Variants in AKAP6 observed in about 807,000 individuals in gnomAD.
The protein encoded by AKAP6 is A-kinase anchoring protein 6.
Under a neutral mutation model 188.5 loss-of-function variants are expected in AKAP6, and 58 were observed. The observed-to-expected ratio is 0.31, with a 90% CI of 0.25 to 0.38. AKAP6 has a LOEUF of 0.38. AKAP6 is among the 10% of genes least tolerant of loss of function. The pLI is 1.00. For missense variants in AKAP6, 2,710 were observed against 2,740.0 expected (o/e 0.99, Z 0.24); for synonymous variants, 989 against 998.6 (o/e 0.99, Z 0.18).
chr14:32,451,891 G>A (rs530399731), intron 2 of AKAP6, among the ~76,000 whole-genome samples: 180 of 151,652 alleles, frequency 1.2e-3, no homozygotes, highest in African/African-American at 4.0e-3. Context: ...GCTGATTGAT[G>A]TCTTAACCCT....
At chr14:32,772,702 T>C (rs1184519500) in intron 11 of AKAP6, among the ~76,000 whole-genome samples, 3 of 152,196 alleles carry the variant, frequency 2.0e-5, no homozygotes, top group Non-Finnish European at 4.4e-5. Flanking sequence ...ACAAATACTT[T>C]CAGGCATTAA....
chr14:32,356,432 T>C (rs1887488356), intron 1 of AKAP6, among the ~76,000 whole-genome samples: 1 of 152,190 alleles, frequency 6.6e-6, no homozygotes, highest in African/African-American at 2.4e-5. Context: ...CGTTTGCTTC[T>C]TATACCTCTT....
At chr14:32,529,557 C>A (rs550983497) in intron 2 of AKAP6, among the ~76,000 whole-genome samples, 1 of 152,232 alleles carries the variant, frequency 6.6e-6, no homozygotes, top group East Asian at 1.9e-4. Context: ...TCAGTCTTTG[C>A]GGGAAAACTT....
At chr14:32,498,137 C>T (rs932739856) in intron 2 of AKAP6, among the ~76,000 whole-genome samples, 6 of 152,090 alleles carry the variant, frequency 3.9e-5, no homozygotes, top group African/African-American at 1.4e-4. Context: ...CTTTTATAGT[C>T]CTTCCTCCTC....
chr14:32,470,566 A>G (rs17099172), intron 2 of AKAP6, among the ~76,000 whole-genome samples: 2,707 of 152,332 alleles, frequency 0.018, 73 homozygotes, highest in African/African-American at 0.06. Context: ...CTCTGGGGAA[A>G]GTAATCAGGG....
chr14:32,399,687 T>G (rs1005151031), intron 1 of AKAP6, among the ~76,000 whole-genome samples: 1 of 152,208 alleles, frequency 6.6e-6, no homozygotes, highest in African/African-American at 2.4e-5. Flanking sequence ...CATACATTTC[T>G]TGTTGAGGAT....
At chr14:32,523,880 GC>G (rs1390366925) in intron 2 of AKAP6, among the ~76,000 whole-genome samples, 1 of 151,678 alleles carries the variant, frequency 6.6e-6, no homozygotes, top group Admixed American at 6.6e-5. Context: ...GGATCCAGAT[GC>G]CAGTTTTTAG....
chr14:32,756,700 G>A (rs910720203), intron 11 of AKAP6, among the ~76,000 whole-genome samples: 5 of 152,190 alleles, frequency 3.3e-5, no homozygotes, highest in Non-Finnish European at 7.4e-5. Flanking sequence ...ACAGGGGCCA[G>A]CCTGATGCTG....
chr14:32,480,549 A>G (rs1260026682), intron 2 of AKAP6, among the ~76,000 whole-genome samples: 1 of 152,236 alleles, frequency 6.6e-6, no homozygotes, highest in Non-Finnish European at 1.5e-5. Context: ...TGACTCATGC[A>G]ACTATTCTGA....
intron 7 of AKAP6, among the ~76,000 whole-genome samples, chr14:32,633,136 C>T (rs537137274): frequency 6.6e-6 from 1 of 152,002 alleles, no homozygotes; most frequent in East Asian, 1.9e-4. Flanking sequence ...TTCATATCCA[C>T]CTCATCAATT....
intron 7 of AKAP6, among the ~76,000 whole-genome samples, chr14:32,608,312 A>C (rs747546415): frequency 1.3e-5 from 2 of 151,796 alleles, no homozygotes; most frequent in Non-Finnish European, 2.9e-5. Context: ...AAGCCTGGCC[A>C]ATATGGTGAA....
chr14:32,501,590 T>C (rs901789420), intron 2 of AKAP6, among the ~76,000 whole-genome samples: 1 of 151,876 alleles, frequency 6.6e-6, no homozygotes, highest in African/African-American at 2.4e-5. Context: ...GAAAAAAAAA[T>C]AGGTTTGGCG....
chr14:32,549,709 A>C (rs1375206615), intron 4 of AKAP6, among the ~76,000 whole-genome samples: 1 of 152,188 alleles, frequency 6.6e-6, no homozygotes, highest in Admixed American at 6.5e-5. Flanking sequence ...TAAGTCCCGG[A>C]AGGGAGGATT....
chr14:32,615,041 C>T (rs1594783926), intron 7 of AKAP6, among the ~76,000 whole-genome samples: 2 of 151,298 alleles, frequency 1.3e-5, no homozygotes, highest in East Asian at 2.0e-4. Context: ...TGGTGGTGCA[C>T]ACCTGTAGTC....
At chr14:32,341,070 A>G (rs1697873729) in intron 1 of AKAP6, among the ~76,000 whole-genome samples, 1 of 152,258 alleles carries the variant, frequency 6.6e-6, no homozygotes, top group South Asian at 2.1e-4. Flanking sequence ...ATATTTCATA[A>G]TACTTTTGGT....
intron 1 of AKAP6, among the ~76,000 whole-genome samples, chr14:32,329,867 A>G (rs962198968): frequency 2.0e-5 from 3 of 152,114 alleles, no homozygotes; most frequent in Middle Eastern, 3.2e-3. Flanking sequence ...CAGTTTCTTC[A>G]TGGCAAGGAA....
intron 1 of AKAP6, among the ~76,000 whole-genome samples, chr14:32,415,157 A>T (rs1006725259): frequency 6.6e-6 from 1 of 152,194 alleles, no homozygotes; most frequent in African/African-American, 2.4e-5. Flanking sequence ...ATTGCATTAC[A>T]CTGGTACATA....
rs201554416 is a variant in AKAP6 at position 32,796,268 on chromosome 14, G to GA, written c.3588+22382dup. 1.4e-3 allele frequency among the ~76,000 whole-genome samples: 219 copies of GA among 152,196 alleles called. 3 individuals are homozygous for GA. In the East Asian group the frequency reaches 0.037, roughly 25 times the overall value. ...ACTATTTACATTCTTCACAGAATTA[G>GA]AAAAAAACTTTAAAAATTCATATGG... On this transcript the variant is annotated intron_variant, in intron 12 of 13. Coordinates refer to ENST00000280979, the MANE Select transcript of AKAP6 (RefSeq NM_004274.5).
At chr14:32,626,380 T>C (rs1433845861) in intron 7 of AKAP6, among the ~76,000 whole-genome samples, 1 of 152,076 alleles carries the variant, frequency 6.6e-6, no homozygotes, top group Non-Finnish European at 1.5e-5. Flanking sequence ...TAAAATATAC[T>C]AATCACTCTA....
Sources: gnomAD v4.1 joint callset for allele counts (sites outside exome capture counted in the v4.1 genomes callset) on GRCh38, gnomAD v4.1.1 for gene constraint, MANE v1.5 for transcripts, NCBI Gene and HGNC (gene_info 2026-07-23, HGNC 2026-07-21) for gene names.